The following PCCB variants were observed in gnomAD, a reference collection of about 807,000 sequenced individuals.
PCCB encodes the protein propionyl-CoA carboxylase beta chain, mitochondrial.
PCCB carries 43 observed loss-of-function variants against 60.7 expected under a neutral mutation model. That is an observed-to-expected ratio of 0.71 (90% CI 0.55 to 0.91). The LOEUF is 0.91. PCCB is among the 40% of genes least tolerant of loss of function. The probability of loss-of-function intolerance (pLI) is 0.00; values close to 1 mark genes in which losing one functional copy is unlikely to be tolerated. For missense variants in PCCB, 766 were observed against 702.8 expected (o/e 1.09, Z -1.02); for synonymous variants, 276 against 255.9 (o/e 1.08, Z -0.75).
intron 9 of PCCB, among the ~76,000 whole-genome samples, chr3:136,302,653 T>G (rs987850335): frequency 8.4e-6 from 1 of 118,894 alleles, no homozygotes; most frequent in Non-Finnish European, 1.9e-5. Context: ...CATGCTGGTG[T>G]GCTGCACCTG....
intron 1 of PCCB, chr3:136,251,258 C>A (rs1347015267): frequency 6.6e-6 from 3 of 456,570 alleles, no homozygotes; most frequent in Non-Finnish European, 1.3e-5. Flanking sequence ...TCCAGCTGGC[C>A]TTCAGAGATA....
At chr3:136,253,822 A>G (rs906648359) in intron 1 of PCCB, among the ~76,000 whole-genome samples, 9 of 151,164 alleles carry the variant, frequency 6.0e-5, no homozygotes, top group African/African-American at 2.2e-4. Context: ...ATTTTATTTT[A>G]TTTTTTGGTA....
chr3:136,275,699 C>A (rs542781761), intron 5 of PCCB, among the ~76,000 whole-genome samples: 1 of 152,136 alleles, frequency 6.6e-6, no homozygotes, highest in East Asian at 1.9e-4. Flanking sequence ...AGGGGGAAGA[C>A]TGTATGAGTT....
intron 9 of PCCB, among the ~76,000 whole-genome samples, chr3:136,314,032 T>TCACACA (rs34354052): frequency 2.0e-5 from 3 of 150,768 alleles, no homozygotes; most frequent in African/African-American, 7.3e-5. Context: ...TTAGAAGGAG[T>TCACACA]CACACACACA....
At chr3:136,328,878 G>A in intron 14 of PCCB, 21 bp downstream of exon 14, 2 of 1,559,970 alleles carry the variant, frequency 1.3e-6, no homozygotes, top group Non-Finnish European at 1.8e-6. Context: ...GTGGTGAAGA[G>A]GGCAGCTTTG....
intron 1 of PCCB, among the ~76,000 whole-genome samples, chr3:136,253,193 C>T (rs957737336): frequency 3.4e-5 from 5 of 148,986 alleles, no homozygotes; most frequent in South Asian, 2.1e-4. Context: ...GGGTTCATGC[C>T]GTTCTCCTGC....
chr3:136,300,629 T>A (rs180953245), intron 8 of PCCB, among the ~76,000 whole-genome samples: 2 of 152,326 alleles, frequency 1.3e-5, no homozygotes, highest in East Asian at 1.9e-4. Flanking sequence ...GCTCTGCCTT[T>A]GCATTTCCAA....
rs200636968 is a variant in PCCB, at chr3:136,250,545, C to T, written c.170C>T (p.Ala57Val). Residue 57 changes from alanine to valine, a missense_variant, in exon 1 of 15, where the codon GCG becomes GTG. Coordinates refer to ENST00000251654, the MANE Select transcript of PCCB (RefSeq NM_000532.5). The part of the protein sequence containing the change: ...LLGGGQRRID[A>V]QHKRGKLTAR... ...GGAGGGGGCCAACGCCGTATTGACG[C>T]GCAGCACAAGCGAGTGAGTCCTGAG... The T allele has an allele frequency of 6.2e-7, 1 of 1,612,338 alleles. No homozygotes were observed. Among genetic ancestry groups the T allele is most frequent in the Non-Finnish European group, 8.5e-7 (1 of 1,179,610 alleles).
chr3:136,299,888 G>A (rs912937249), intron 8 of PCCB, among the ~76,000 whole-genome samples: 5 of 151,020 alleles, frequency 3.3e-5, no homozygotes, highest in East Asian at 2.0e-4. Flanking sequence ...GTGTATGTAC[G>A]TATATGCGTA....
intron 5 of PCCB, among the ~76,000 whole-genome samples, chr3:136,273,444 A>G (rs1436348200): frequency 4.6e-5 from 7 of 151,890 alleles, no homozygotes; most frequent in African/African-American, 1.7e-4. Flanking sequence ...CTTTGTTGCT[A>G]TTTCATTTCC....
rs560321736 is a variant in PCCB at position 136,280,311 on chromosome 3, A to G, written c.544-3526A>G. 4.6e-5 allele frequency among the ~76,000 whole-genome samples: 7 copies of G among 152,292 alleles called. No individual in the cohort carries two copies. In the East Asian group the frequency reaches 1.2e-3, roughly 25 times the overall value. Reference sequence around the variant, plus strand: ...TTCTTGAAGGATAGTTTTGCTGGATATAAAGTTATTGGTTGACCAGTTATT... The same window carrying G: ...TTCTTGAAGGATAGTTTTGCTGGATGTAAAGTTATTGGTTGACCAGTTATT... On this transcript the variant is annotated intron_variant, in intron 5 of 14. Coordinates refer to ENST00000251654, the MANE Select transcript of PCCB (RefSeq NM_000532.5).
intron 9 of PCCB, among the ~76,000 whole-genome samples, chr3:136,314,676 A>C (rs1934809878): frequency 6.7e-6 from 1 of 148,290 alleles, no homozygotes; most frequent in South Asian, 2.1e-4. Context: ...AAACAAAAAC[A>C]AAAAAACAAA....
chr3:136,323,807 CAA>C (rs752634366), intron 10 of PCCB, among the ~76,000 whole-genome samples: 6 of 91,212 alleles, frequency 6.6e-5, no homozygotes, highest in African/African-American at 7.6e-5. Context: ...CAAAACATCT[CAA>C]AAAAAAAAAA....
chr3:136,309,386 T>G (rs1388571753), intron 9 of PCCB, among the ~76,000 whole-genome samples: 1 of 152,102 alleles, frequency 6.6e-6, no homozygotes, highest in Non-Finnish European at 1.5e-5. Context: ...TGCAGAAATT[T>G]ATGATGGAAA....
chr3:136,295,674 A>G (rs1933898829), intron 7 of PCCB, among the ~76,000 whole-genome samples: 1 of 152,242 alleles, frequency 6.6e-6, no homozygotes, highest in Non-Finnish European at 1.5e-5. Flanking sequence ...TACAAAACTT[A>G]GAAAACATAC....
intron 7 of PCCB, among the ~76,000 whole-genome samples, chr3:136,296,827 T>TA (rs1239845836): frequency 6.6e-6 from 1 of 152,048 alleles, no homozygotes; most frequent in Non-Finnish European, 1.5e-5. Context: ...AATAAAAATG[T>TA]AAAAAAAGAA....
At chr3:136,251,000 A>C (rs1281583062) in intron 1 of PCCB, among the ~76,000 whole-genome samples, 1 of 152,184 alleles carries the variant, frequency 6.6e-6, no homozygotes, top group East Asian at 1.9e-4. Context: ...GGAAGCAGGA[A>C]AACTGAACTT....
At chr3:136,253,092 T>TG (rs1941564622) in intron 1 of PCCB, among the ~76,000 whole-genome samples, 5 of 140,378 alleles carry the variant, frequency 3.6e-5, no homozygotes, top group Non-Finnish European at 7.7e-5. Flanking sequence ...GTTTTTTTTT[T>TG]TTTTTTTTTT....
At chr3:136,315,320 G>A (rs532072338) in intron 9 of PCCB, among the ~76,000 whole-genome samples, 2 of 152,154 alleles carry the variant, frequency 1.3e-5, no homozygotes, top group African/African-American at 4.8e-5. Context: ...GGCGGATCAC[G>A]AGGTCGAGAT....
Sources: gnomAD v4.1 joint callset for allele counts (sites outside exome capture counted in the v4.1 genomes callset) on GRCh38, gnomAD v4.1.1 for gene constraint, MANE v1.5 for transcripts, NCBI Gene and HGNC (gene_info 2026-07-23, HGNC 2026-07-21) for gene names.